KCNU1: variants seen among roughly 807,000 people sequenced by gnomAD.
KCNU1 encodes potassium channel subfamily U member 1.
Under a neutral mutation model 126.8 loss-of-function variants are expected in KCNU1, and 93 were observed. The ratio of observed to expected loss-of-function variants is 0.73; its 90% CI spans 0.62 to 0.87. The LOEUF (loss-of-function observed/expected upper bound fraction) is 0.87. Among genes scored for constraint, KCNU1 ranks in the 40% least tolerant of loss-of-function variants. The pLI is 0.00. For synonymous variants in KCNU1, 523 were observed against 494.2 expected (o/e 1.06, Z -0.77); for missense variants, 1,330 against 1,367.1 (o/e 0.97, Z 0.43).
intron 26 of KCNU1, among the ~76,000 whole-genome samples, chr8:36,935,146 TGGAGTAA>T (rs1386719610): frequency 6.6e-6 from 1 of 152,058 alleles, no homozygotes; most frequent in Non-Finnish European, 1.5e-5. Flanking sequence ...CAAATAGACC[TGGAGTAA>T]GGCCATTAGA....
At chr8:36,888,913 C>G (rs777592807) in intron 19 of KCNU1, 3 of 406,102 alleles carry the variant, frequency 7.4e-6, no homozygotes, top group Non-Finnish European at 5.0e-6. Context: ...GGGTCTCGCT[C>G]TGTCACCCAG....
chr8:36,794,199 C>T (rs1421999378), intron 2 of KCNU1, among the ~76,000 whole-genome samples: 1 of 151,840 alleles, frequency 6.6e-6, no homozygotes, highest in Admixed American at 6.6e-5. Context: ...CCTTGATGGC[C>T]CCACAGATTA....
At chr8:36,867,086 A>G (rs982406931) in intron 19 of KCNU1, among the ~76,000 whole-genome samples, 3 of 152,146 alleles carry the variant, frequency 2.0e-5, no homozygotes, top group African/African-American at 7.2e-5. Context: ...AAACTTTCAC[A>G]ATAAAAAATT....
intron 2 of KCNU1, among the ~76,000 whole-genome samples, chr8:36,802,414 G>C (rs1324151517): frequency 6.6e-6 from 1 of 152,138 alleles, no homozygotes; most frequent in Admixed American, 6.6e-5. Context: ...GCTACTTTGT[G>C]GCTCATTGTT....
intron 18 of KCNU1, 86 bp downstream of exon 18, chr8:36,845,985 G>C (rs1217228411): frequency 5.2e-6 from 4 of 776,144 alleles, no homozygotes; most frequent in Non-Finnish European, 8.6e-6. Flanking sequence ...TCTCTTAAAA[G>C]GCAATGTCCA....
chr8:36,797,660 A>G (rs764064591), intron 2 of KCNU1, among the ~76,000 whole-genome samples: 5 of 150,524 alleles, frequency 3.3e-5, no homozygotes, highest in Non-Finnish European at 7.4e-5. Flanking sequence ...AGAAGTGCCC[A>G]TATTCATTTG....
intron 19 of KCNU1, among the ~76,000 whole-genome samples, chr8:36,892,888 A>C (rs1464333496): frequency 1.3e-5 from 2 of 152,090 alleles, no homozygotes; most frequent in Non-Finnish European, 2.9e-5. Flanking sequence ...GCACATGCAC[A>C]TGGTTTTATT....
intron 10 of KCNU1, among the ~76,000 whole-genome samples, chr8:36,829,928 C>T (rs1399801825): frequency 6.6e-6 from 1 of 150,848 alleles, no homozygotes; most frequent in Non-Finnish European, 1.5e-5. Context: ...ACAGGAAAAA[C>T]ACAATTAAAT....
chr8:36,912,014 C>A (rs1055596757), intron 22 of KCNU1, among the ~76,000 whole-genome samples: 1 of 152,090 alleles, frequency 6.6e-6, no homozygotes, highest in Non-Finnish European at 1.5e-5. Flanking sequence ...AACAGATTTC[C>A]AATTCTAGAA....
At chr8:36,929,435 A>AT (rs71547667) in intron 24 of KCNU1, among the ~76,000 whole-genome samples, 1 of 149,282 alleles carries the variant, frequency 6.7e-6, no homozygotes, top group African/African-American at 2.4e-5. Flanking sequence ...ACAAAAAAAA[A>AT]CCATGAATTG....
At chr8:36,889,236 AACT>A (rs1324624819) in intron 19 of KCNU1, 1 of 534,360 alleles carries the variant, frequency 1.9e-6, no homozygotes, top group African/African-American at 1.9e-5. Flanking sequence ...TGCTCTGCTG[AACT>A]ACCGTAAGGA....
intron 19 of KCNU1, 57 bp from the exon 20 acceptor site, chr8:36,905,651 T>C: frequency 1.1e-6 from 1 of 931,442 alleles, no homozygotes; most frequent in South Asian, 1.3e-5. Context: ...ACATCTCGGC[T>C]TTGTTACAGA....
intron 19 of KCNU1, among the ~76,000 whole-genome samples, chr8:36,902,913 G>T (rs1807475361): frequency 6.6e-6 from 1 of 152,132 alleles, no homozygotes; most frequent in African/African-American, 2.4e-5. Context: ...TGAATGAACA[G>T]GGTAACCCAT....
At chr8:36,842,256 A>T (rs1454803381) in intron 16 of KCNU1, among the ~76,000 whole-genome samples, 2 of 152,260 alleles carry the variant, frequency 1.3e-5, no homozygotes, top group Non-Finnish European at 2.9e-5. Context: ...TCAAAATGCA[A>T]TAATTTTCAA....
Position 36,904,288 on chromosome 8 carries a change from C to G in KCNU1, c.2010-1420C>G, listed in dbSNP as rs117904237. Reference sequence around the variant, plus strand: ...CAGGGCACTCAGCTCAAGGTGCCCACTGGAGCAGCTAGGCTAGAAGAGACC... The same window carrying G: ...CAGGGCACTCAGCTCAAGGTGCCCAGTGGAGCAGCTAGGCTAGAAGAGACC... On this transcript the variant is annotated intron_variant, in intron 19 of 26. Coordinates refer to ENST00000399881, the MANE Select transcript of KCNU1 (RefSeq NM_001031836.3). Among the ~76,000 whole-genome samples the G allele has an allele frequency of 6.0e-4, 91 of 152,278 alleles. 3 individuals are homozygous for G. In the East Asian group the frequency reaches 0.017, roughly 28 times the overall value.
chr8:36,859,320 A>G (rs1805644792), intron 18 of KCNU1, among the ~76,000 whole-genome samples: 1 of 152,212 alleles, frequency 6.6e-6, no homozygotes, highest in East Asian at 1.9e-4. Flanking sequence ...AATTAGTACA[A>G]TTATCAGGTT....
chr8:36,883,792 A>C lies in KCNU1; in HGVS notation c.2009+19271A>C, dbSNP rs561339465. On this transcript the variant is annotated intron_variant, in intron 19 of 26. Transcript: ENST00000399881. ...GATTGCAGAGCCAGACCCTGTCTCA[A>C]AAAAAAGACTTCTGCTGATTATAGT... Among the ~76,000 whole-genome samples the C allele has an allele frequency of 3.3e-5, 5 of 152,236 alleles. No individual in the cohort carries two copies. The South Asian group carries it at 6.2e-4, about 19-fold the overall frequency.
intron 19 of KCNU1, among the ~76,000 whole-genome samples, chr8:36,870,348 C>T (rs571125642): frequency 9.8e-5 from 15 of 152,308 alleles, no homozygotes; most frequent in African/African-American, 3.1e-4. Flanking sequence ...TCCTGAGACA[C>T]CTGTCCCTAT....
At chr8:36,836,125 T>G (rs1199644322) in intron 12 of KCNU1, among the ~76,000 whole-genome samples, 171 bp from the exon 13 acceptor site, 1 of 152,226 alleles carries the variant, frequency 6.6e-6, no homozygotes, top group African/African-American at 2.4e-5. Context: ...AATGATGCTC[T>G]TCTGTGTAGG....
Sources: allele counts gnomAD v4.1 joint callset (sites outside exome capture counted in the v4.1 genomes callset), GRCh38; gene constraint gnomAD v4.1.1; transcripts MANE v1.5; gene names NCBI Gene and HGNC (gene_info 2026-07-23, HGNC 2026-07-21).